TAF2: variants seen among roughly 807,000 people sequenced by gnomAD.
TAF2 encodes TATA-box binding protein associated factor 2, also known as transcription initiation factor TFIID subunit 2.
Under a neutral mutation model 138.5 loss-of-function variants are expected in TAF2, and 61 were observed. That is an observed-to-expected ratio of 0.44 (90% CI 0.36 to 0.54). TAF2 has a LOEUF of 0.54. TAF2 is among the 20% of genes least tolerant of loss of function. The probability of loss-of-function intolerance (pLI) is 0.00; values close to 1 mark genes in which losing one functional copy is unlikely to be tolerated. For synonymous variants in TAF2, 475 were observed against 469.9 expected (o/e 1.01, Z -0.14); for missense variants, 1,090 against 1,427.9 (o/e 0.76, Z 3.81).
intron 4 of TAF2, among the ~76,000 whole-genome samples, chr8:119,804,567 G>GCT (rs926036470): frequency 6.6e-6 from 1 of 151,658 alleles, no homozygotes; most frequent in South Asian, 2.1e-4. Flanking sequence ...CCCTGCACAA[G>GCT]CTCTCTCTCT....
rs1385221958 is a variant in TAF2 at position 119,793,248 on chromosome 8, CA to C, written c.1277+117del. ...GTCTGTAAGCTTTAGCAAAGAATAG[CA>C]ATAAGAAAAAGGTTAAATAAATTCT... On this transcript the variant is annotated intron_variant, in intron 10 of 25. Transcript: ENST00000378164. The C allele has an allele frequency of 7.5e-6, 6 of 795,020 alleles. No individual in the cohort carries two copies. The Admixed American group carries it at 1.1e-4, about 15-fold the overall frequency. The allele number at this position is 795,020 out of a possible 1,614,324, so 49.2% of individuals were successfully genotyped here. A position where few individuals can be genotyped will look rare whatever the true frequency, so the allele number is the denominator to read the frequency against.
chr8:119,758,659 T>C (rs1820860490), intron 20 of TAF2, among the ~76,000 whole-genome samples: 1 of 152,172 alleles, frequency 6.6e-6, no homozygotes, highest in Non-Finnish European at 1.5e-5. Flanking sequence ...GCTATGAATA[T>C]AGTTGACATA....
At chr8:119,790,784 T>G (rs1823368774) in intron 11 of TAF2, among the ~76,000 whole-genome samples, 1 of 151,474 alleles carries the variant, frequency 6.6e-6, no homozygotes, top group South Asian at 2.1e-4. Context: ...ATGTTTTACT[T>G]TCATCCCCAC....
intron 18 of TAF2, among the ~76,000 whole-genome samples, chr8:119,766,693 G>C (rs921878787): frequency 6.6e-6 from 1 of 152,092 alleles, no homozygotes; most frequent in African/African-American, 2.4e-5. Flanking sequence ...AATTAGCTGA[G>C]CATGGTGGTG....
chr8:119,757,904 A>AC (rs1158461873), intron 21 of TAF2, among the ~76,000 whole-genome samples, 169 bp downstream of exon 21: 6 of 152,182 alleles, frequency 3.9e-5, no homozygotes, highest in African/African-American at 1.2e-4. Flanking sequence ...TCAAAAAAAA[A>AC]ACAAATAACT....
intron 3 of TAF2, among the ~76,000 whole-genome samples, chr8:119,816,121 G>A (rs1367736261): frequency 6.7e-6 from 1 of 149,956 alleles, no homozygotes; most frequent in Admixed American, 6.7e-5. Context: ...CGCGATCTCG[G>A]CTCACTGCAA....
intron 6 of TAF2, among the ~76,000 whole-genome samples, chr8:119,799,838 G>T (rs1179353990): frequency 1.3e-5 from 2 of 152,064 alleles, no homozygotes; most frequent in Non-Finnish European, 2.9e-5. Flanking sequence ...TTTACTGATC[G>T]CCATTCTAAC....
intron 9 of TAF2, among the ~76,000 whole-genome samples, chr8:119,794,382 T>A (rs1586457040): frequency 7.0e-6 from 1 of 142,006 alleles, no homozygotes; most frequent in Non-Finnish European, 1.5e-5. Context: ...AGCAACAGAG[T>A]GAGACTCCGT....
rs568435208 is a variant in TAF2, at chr8:119,793,441, T to G, written c.1202A>C (p.Lys401Thr). 41 of 1,612,530 alleles carry G rather than the reference T, an allele frequency of 2.5e-5. No individual in the cohort carries two copies. In the South Asian group the frequency reaches 4.5e-4, roughly 18 times the overall value. Reference protein sequence around the residue: ...YRHWIKEELDKIVAYELKTGG... With the variant: ...YRHWIKEELDTIVAYELKTGG... ...AGTTTTTAGTTCATATGCCACTATT[T>G]TGTCTAGCTCCTAAAAAATATATAA... The change falls in exon 10 of 26, where the codon AAA (lysine) becomes ACA (threonine). Residue 401 changes from lysine (K) to threonine (T), a missense_variant. Transcript: ENST00000378164.
intron 22 of TAF2, among the ~76,000 whole-genome samples, chr8:119,749,104 T>C (rs1171800558): frequency 2.6e-5 from 4 of 152,168 alleles, no homozygotes; most frequent in African/African-American, 9.6e-5. Flanking sequence ...ATTTAAAAAA[T>C]ATATGTTAAT....
chr8:119,796,860 A>T (rs1823863096), intron 8 of TAF2, 130 bp downstream of exon 8: 1 of 640,492 alleles, frequency 1.6e-6, no homozygotes, highest in African/African-American at 1.8e-5. Context: ...TTTTTCTTTA[A>T]ATACATATAG....
chr8:119,748,206 T>C (rs571037749), intron 22 of TAF2, among the ~76,000 whole-genome samples: 1 of 151,940 alleles, frequency 6.6e-6, no homozygotes, highest in South Asian at 2.1e-4. Flanking sequence ...AGAACTGTTG[T>C]TTCAAAAGAG....
chr8:119,757,928 T>C (rs374346551), intron 21 of TAF2, 145 bp downstream of exon 21: 20 of 743,278 alleles, frequency 2.7e-5, no homozygotes, highest in South Asian at 2.5e-4. Context: ...ATGTTGAAAA[T>C]CAAATTTAAA....
chr8:119,804,812 A>C (rs1373091937), intron 4 of TAF2, among the ~76,000 whole-genome samples: 2 of 152,176 alleles, frequency 1.3e-5, no homozygotes, highest in Non-Finnish European at 2.9e-5. Context: ...TTTGGGGAGT[A>C]CAAGGATGAG....
At chr8:119,818,687 C>A (rs1825631491) in intron 3 of TAF2, among the ~76,000 whole-genome samples, 1 of 150,734 alleles carries the variant, frequency 6.6e-6, no homozygotes, top group Non-Finnish European at 1.5e-5. Flanking sequence ...CTACACTGAG[C>A]AAATGGAGTA....
At chr8:119,825,013 C>G (rs1826012024) in intron 2 of TAF2, among the ~76,000 whole-genome samples, 1 of 152,220 alleles carries the variant, frequency 6.6e-6, no homozygotes, top group East Asian at 1.9e-4. Flanking sequence ...AGAGGGCCAC[C>G]ATCCTCCAGA....
intron 14 of TAF2, among the ~76,000 whole-genome samples, chr8:119,787,968 C>A (rs1823140269): frequency 1.3e-5 from 2 of 152,168 alleles, no homozygotes. Context: ...AACCATCATT[C>A]TCAGCAAACG....
At chr8:119,823,658 T>A (rs1339414956) in intron 2 of TAF2, among the ~76,000 whole-genome samples, 7 of 152,144 alleles carry the variant, frequency 4.6e-5, no homozygotes, top group Admixed American at 4.6e-4. Flanking sequence ...ACTAATACAG[T>A]AAACTGCTAC....
chr8:119,757,182 T>C (rs1820757616), intron 21 of TAF2, among the ~76,000 whole-genome samples: 1 of 152,216 alleles, frequency 6.6e-6, no homozygotes, highest in Non-Finnish European at 1.5e-5. Flanking sequence ...TTAATGTCTA[T>C]AAACCTAAAA....
Sources: gnomAD v4.1 joint callset for allele counts (sites outside exome capture counted in the v4.1 genomes callset) on GRCh38, gnomAD v4.1.1 for gene constraint, MANE v1.5 for transcripts, NCBI Gene and HGNC (gene_info 2026-07-23, HGNC 2026-07-21) for gene names.